BEND4: variants seen among roughly 807,000 people sequenced by gnomAD.
BEND4 encodes the protein BEN domain containing 4.
Under a neutral mutation model 54.7 loss-of-function variants are expected in BEND4, and 27 were observed. The ratio of observed to expected loss-of-function variants is 0.49; its 90% CI spans 0.36 to 0.68. The LOEUF is 0.68. Among genes scored for constraint, BEND4 ranks in the 30% least tolerant of loss-of-function variants. The pLI is 0.00. For synonymous variants in BEND4, 327 were observed against 299.5 expected (o/e 1.09, Z -0.95); for missense variants, 702 against 697.2 (o/e 1.01, Z -0.08).
At chr4:42,129,988 G>A (rs1224501400) in intron 3 of BEND4, among the ~76,000 whole-genome samples, 1 of 152,198 alleles carries the variant, frequency 6.6e-6, no homozygotes, top group Non-Finnish European at 1.5e-5. Context: ...GAAAATTTCT[G>A]CAATCTATCC....
At chr4:42,146,935 T>A (rs901405501) in intron 2 of BEND4, among the ~76,000 whole-genome samples, 2 of 152,144 alleles carry the variant, frequency 1.3e-5, no homozygotes, top group African/African-American at 4.8e-5. Context: ...GGGAAAAAAA[T>A]CTGACTTAGG....
In BEND4 at chr4:42,111,837, T is replaced by C. The variant is rs1473709744; in HGVS notation, c.*5681A>G. 6.6e-6 allele frequency: 1 copy of C among 152,146 alleles called. No individual in the cohort carries two copies. The highest frequency in any genetic ancestry group is 2.4e-5 in the African/African-American group (1 of 41,438). 9.4% of individuals were successfully genotyped at this position (152,146 alleles called of 1,614,324 possible). On this transcript the variant is annotated 3_prime_UTR_variant, in exon 6 of 6. Coordinates refer to ENST00000502486, the MANE Select transcript of BEND4 (RefSeq NM_207406.4). Reference sequence around the variant, plus strand: ...ACTTCACTGAGTTCAAATGTTTGCTTTTATCTCCCTGCATTTTTGCACTAG... The same window carrying C: ...ACTTCACTGAGTTCAAATGTTTGCTCTTATCTCCCTGCATTTTTGCACTAG...
chr4:42,115,782 ATTTCT>A lies in BEND4; in HGVS notation c.*1731_*1735del, dbSNP rs1719794559. The stretch of plus-strand genomic sequence containing the variant: ...TAAGAACATGGCATTTGCCCATATC[ATTTCT>A]TTTACTTCCAAATTTTAGCTAATTT... On this transcript the variant is annotated 3_prime_UTR_variant, in exon 6 of 6. Coordinates refer to ENST00000502486, the MANE Select transcript of BEND4 (RefSeq NM_207406.4). 6.6e-6 allele frequency: 1 copy of A among 152,222 alleles called. No homozygotes were observed. The highest frequency in any genetic ancestry group is 1.5e-5 in the Non-Finnish European group (1 of 68,040). 9.4% of individuals were successfully genotyped at this position (152,222 alleles called of 1,614,324 possible). A position where few individuals can be genotyped will look rare whatever the true frequency, so the allele number is the denominator to read the frequency against.
chr4:42,134,457 T>C (rs1720622678), intron 3 of BEND4, among the ~76,000 whole-genome samples: 2 of 152,210 alleles, frequency 1.3e-5, no homozygotes, highest in Non-Finnish European at 2.9e-5. Context: ...TACAGATGCA[T>C]TGTTATATTT....
Position 42,151,808 on chromosome 4 carries a change from G to A in BEND4, c.336C>T (p.His112=), listed in dbSNP as rs1477117413. The change falls in exon 2 of 6, where the codon CAC becomes CAT. Residue 112 remains histidine (H), a synonymous_variant. Transcript: ENST00000502486. Reference sequence around the variant, plus strand: ...GCGGCGGCTGCGCCGGAGTCCTCAAGTGGCCCTGGGATGTGGCGGGCGTGC... The same window carrying A: ...GCGGCGGCTGCGCCGGAGTCCTCAAATGGCCCTGGGATGTGGCGGGCGTGC... ...PSCTPATSQG[H]LRTPAQPPPA... is the part of the protein sequence containing the mutation. 1.4e-6 allele frequency: 2 copies of A among 1,477,878 alleles called. No homozygotes were observed. The highest frequency in any genetic ancestry group is 2.4e-5 in the Admixed American group (1 of 41,684). 91.5% of individuals were successfully genotyped at this position (1,477,878 alleles called of 1,614,324 possible). A position where few individuals can be genotyped will look rare whatever the true frequency, so the allele number is the denominator to read the frequency against.
At chr4:42,123,694 GAAAAA>G (rs71664396) in intron 4 of BEND4, among the ~76,000 whole-genome samples, 2 of 50,814 alleles carry the variant, frequency 3.9e-5, no homozygotes, top group African/African-American at 1.5e-4. Context: ...CTGTAATTCA[GAAAAA>G]AAAAAAAAAA....
Position 42,115,312 on chromosome 4 carries a change from C to G in BEND4, c.*2206G>C, listed in dbSNP as rs76094014. ...GTGACAGCCAAAACACAGGCTGCTG[C>G]CCCCCGCCCTTGCAGCAGTGGTGCA... On this transcript the variant is annotated 3_prime_UTR_variant, in exon 6 of 6. Transcript: ENST00000502486. 6.6e-6 allele frequency: 1 copy of G among 152,148 alleles called. No individual in the cohort carries two copies. Among genetic ancestry groups the G allele is most frequent in the South Asian group, 2.1e-4 (1 of 4,830 alleles). The allele number at this position is 152,148 out of a possible 1,614,324, so 9.4% of individuals were successfully genotyped here.
rs1027414736 is a variant in BEND4 at position 42,151,555 on chromosome 4, C to A, written c.487+102G>T. 12 of 1,265,662 alleles carry A rather than the reference C, an allele frequency of 9.5e-6. No homozygotes were observed. In the African/African-American group the frequency reaches 1.8e-4, roughly 18 times the overall value. 78.4% of individuals were successfully genotyped at this position (1,265,662 alleles called of 1,614,324 possible). A position where few individuals can be genotyped will look rare whatever the true frequency, so the allele number is the denominator to read the frequency against. On this transcript the variant is annotated intron_variant, in intron 2 of 5. Coordinates refer to ENST00000502486, the MANE Select transcript of BEND4 (RefSeq NM_207406.4). The stretch of plus-strand genomic sequence containing the variant: ...GTGCGCCCCGACATCCCGACACGGC[C>A]CAGCACGGGTAAGTGTCGGCGGCCC...
intron 4 of BEND4, among the ~76,000 whole-genome samples, chr4:42,124,463 T>A (rs1410165426): frequency 6.6e-6 from 1 of 152,084 alleles, no homozygotes; most frequent in Non-Finnish European, 1.5e-5. Flanking sequence ...GAAAAACTCA[T>A]GAAGGCGTCA....
In BEND4 at chr4:42,116,974, T is replaced by C. The variant is rs900851562; in HGVS notation, c.*544A>G. On this transcript the variant is annotated 3_prime_UTR_variant, in exon 6 of 6. Coordinates refer to ENST00000502486, the MANE Select transcript of BEND4 (RefSeq NM_207406.4). The stretch of plus-strand genomic sequence containing the variant: ...CTGTCTGCAGATGTTGCCTCTGTTC[T>C]CTGGTTTCCTTTTAGTAATAGACAT... The C allele has an allele frequency of 6.6e-6, 1 of 152,342 alleles. No individual in the cohort carries two copies. The highest frequency in any genetic ancestry group is 2.4e-5 in the African/African-American group (1 of 41,456). The allele number at this position is 152,342 out of a possible 1,614,324, so 9.4% of individuals were successfully genotyped here.
In BEND4 at chr4:42,111,791, T is replaced by C. The variant is rs1453819701; in HGVS notation, c.*5727A>G. 6.6e-6 allele frequency: 1 copy of C among 152,218 alleles called. No individual in the cohort carries two copies. Among genetic ancestry groups the C allele is most frequent in the Non-Finnish European group, 1.5e-5 (1 of 68,044 alleles). The allele number at this position is 152,218 out of a possible 1,614,324, so 9.4% of individuals were successfully genotyped here. On this transcript the variant is annotated 3_prime_UTR_variant, in exon 6 of 6. Transcript: ENST00000502486. ...ATGCCCCGGTGCTATTTCTAACATCTAGGAGTTCCCAAAGACTCTCACTTC... is the reference window on the plus strand; with the variant it reads ...ATGCCCCGGTGCTATTTCTAACATCCAGGAGTTCCCAAAGACTCTCACTTC...
At chr4:42,133,779 G>A (rs903888759) in intron 3 of BEND4, among the ~76,000 whole-genome samples, 4 of 152,164 alleles carry the variant, frequency 2.6e-5, no homozygotes, top group African/African-American at 4.8e-5. Context: ...GGCATGACCC[G>A]GGAGGTGGAG....
intron 4 of BEND4, among the ~76,000 whole-genome samples, chr4:42,124,340 G>A (rs973865565): frequency 6.6e-6 from 1 of 152,172 alleles, no homozygotes; most frequent in Non-Finnish European, 1.5e-5. Flanking sequence ...GCAAGAAAGC[G>A]AGACCCTGTC....
At chr4:42,152,470 C>T (rs1007936978) in intron 1 of BEND4, 62 bp downstream of exon 1, 39 of 161,202 alleles carry the variant, frequency 2.4e-4, no homozygotes, top group Non-Finnish European at 2.3e-4. Context: ...CAGCCGCCCG[C>T]GGGGTCTGCC....
intron 4 of BEND4, among the ~76,000 whole-genome samples, chr4:42,125,022 G>C (rs186923053): frequency 6.6e-4 from 100 of 152,276 alleles, no homozygotes; most frequent in African/African-American, 2.3e-3. Context: ...CTCAAGTCTC[G>C]TATGAAAGTC....
chr4:42,147,272 G>A (rs1236826918), intron 2 of BEND4, among the ~76,000 whole-genome samples: 1 of 152,024 alleles, frequency 6.6e-6, no homozygotes, highest in Non-Finnish European at 1.5e-5. Context: ...TACATTCGGT[G>A]GAAAACAGCA....
chr4:42,132,250 G>A (rs892387378), intron 3 of BEND4, among the ~76,000 whole-genome samples: 1 of 152,110 alleles, frequency 6.6e-6, no homozygotes, highest in Admixed American at 6.5e-5. Flanking sequence ...GGTGGGGTAA[G>A]CAGCCAGTGC....
rs912291939 is a variant in BEND4, at chr4:42,135,869, C to T, written c.1054+7559G>A. Among the ~76,000 whole-genome samples the T allele has an allele frequency of 3.9e-5, 6 of 152,216 alleles. No individual in the cohort carries two copies. In the East Asian group the frequency reaches 5.8e-4, roughly 15 times the overall value. ...GGAAACAGATTTGGCATGATTAAAGCGATTTGGCAAAACAATCACAGATAC... is the reference window on the plus strand; with the variant it reads ...GGAAACAGATTTGGCATGATTAAAGTGATTTGGCAAAACAATCACAGATAC... On this transcript the variant is annotated intron_variant, in intron 3 of 5. Transcript: ENST00000502486.
rs1719875244 is a variant in BEND4 at position 42,117,282 on chromosome 4, T to C, written c.*236A>G. The stretch of plus-strand genomic sequence containing the variant: ...ACCCTCATGATCTAGCTAGTAATCA[T>C]TTAAAAATCAGATGTAGTTTTTTCT... On this transcript the variant is annotated 3_prime_UTR_variant, in exon 6 of 6. Coordinates refer to ENST00000502486, the MANE Select transcript of BEND4 (RefSeq NM_207406.4). 4 of 424,836 alleles carry C rather than the reference T, an allele frequency of 9.4e-6. No homozygotes were observed. Among genetic ancestry groups the C allele is most frequent in the Middle Eastern group, 1.3e-3 (2 of 1,576 alleles). 26.3% of individuals were successfully genotyped at this position (424,836 alleles called of 1,614,324 possible).
Sources: gnomAD v4.1 joint callset for allele counts (sites outside exome capture counted in the v4.1 genomes callset) on GRCh38, gnomAD v4.1.1 for gene constraint, MANE v1.5 for transcripts, NCBI Gene and HGNC (gene_info 2026-07-23, HGNC 2026-07-21) for gene names.